Variants in ADCY9 observed in about 807,000 individuals in gnomAD.
ADCY9 encodes adenylate cyclase type 9.
Under a neutral mutation model 101.5 loss-of-function variants are expected in ADCY9, and 50 were observed. That is an observed-to-expected ratio of 0.49 (90% CI 0.39 to 0.62). The LOEUF (loss-of-function observed/expected upper bound fraction) is 0.62, where lower values mean the gene tolerates loss of function less well. Ranked by LOEUF, ADCY9 falls within the 20% of genes least tolerant of loss-of-function variation. ADCY9 has a pLI of 0.00. For synonymous variants in ADCY9, 905 were observed against 769.3 expected, an observed-to-expected ratio of 1.18 and a Z score of -2.92; for missense variants, 1,662 against 1,800.4, an observed-to-expected ratio of 0.92 and a Z score of 1.39.
chr16:3,965,648 G>T lies in ADCY9; in HGVS notation c.*127C>A. 1 of 792,732 alleles carries T rather than the reference G, an allele frequency of 1.3e-6. No homozygotes were observed. The highest frequency in any genetic ancestry group is 2.0e-6 in the Non-Finnish European group (1 of 503,602). The allele number at this position is 792,732 out of a possible 1,614,324, so 49.1% of individuals were successfully genotyped here. ...AACTGTGATCCACACAGAAGTTAGG[G>T]CTGAAATGACCACATAACACCACGT... On this transcript the variant is annotated 3_prime_UTR_variant, in exon 11 of 11. Transcript: ENST00000294016.
intron 2 of ADCY9, among the ~76,000 whole-genome samples, chr16:4,086,944 G>A (rs556160807): frequency 1.3e-5 from 2 of 152,226 alleles, no homozygotes; most frequent in South Asian, 2.1e-4. Flanking sequence ...ACAGGCGTGA[G>A]CCACCACGCC....
rs558583208 is a variant in ADCY9 at position 4,069,959 on chromosome 16, G to A, written c.1693+43791C>T. Among the ~76,000 whole-genome samples, 98 of 152,230 alleles carry A rather than the reference G, an allele frequency of 6.4e-4. No individual in the cohort carries two copies. The East Asian group carries it at 0.016, about 25-fold the overall frequency. ...AAAAGTACAAAAAAATTAGCCAGGC[G>A]TGGTGGCACATGCCTGTAATCCCAG... On this transcript the variant is annotated intron_variant, in intron 2 of 10. Coordinates refer to ENST00000294016, the MANE Select transcript of ADCY9 (RefSeq NM_001116.4).
At chr16:3,985,340 A>T (rs2056182592) in intron 6 of ADCY9, among the ~76,000 whole-genome samples, 2 of 151,988 alleles carry the variant, frequency 1.3e-5, no homozygotes, top group African/African-American at 4.8e-5. Context: ...GGATTTCACC[A>T]AGTTGGCTAG....
intron 10 of ADCY9, among the ~76,000 whole-genome samples, chr16:3,972,182 T>C (rs535550640): frequency 6.6e-5 from 10 of 152,144 alleles, no homozygotes; most frequent in Non-Finnish European, 1.5e-4. Flanking sequence ...ATCCTATTCC[T>C]AAATTCAAAT....
At position 3,983,425 on chromosome 16, in the gene ADCY9, G is replaced by A. The variant is rs1434109826; in HGVS notation, c.2326C>T (p.Pro776Ser). ...GTGGGACTAGCAAACGTCTTCACGG[G>A]GGAGTTCTTTATGACCTGTGTGGAG... ...SYQEEVIKNSPVKTFASPTFS... is the reference protein window; with the variant it reads ...SYQEEVIKNSSVKTFASPTFS... The change falls in exon 7 of 11, where the codon CCC becomes TCC. Residue 776 changes from proline (P) to serine (S), a missense_variant. Pro to Ser is a moderately conservative substitution (Grantham distance 74, BLOSUM62 -1). Around this residue, in one of 5 missense-constraint regions of ADCY9, gnomAD observed 624 missense variants for 639.1 expected, o/e 0.98. Coordinates refer to ENST00000294016, the MANE Select transcript of ADCY9 (RefSeq NM_001116.4). The A allele has an allele frequency of 1.9e-6, 3 of 1,605,342 alleles. No homozygotes were observed. In the Admixed American group the frequency reaches 5.1e-5, roughly 27 times the overall value.
At chr16:4,110,376 CTTTTTTTT>C (rs1170090126) in intron 2 of ADCY9, among the ~76,000 whole-genome samples, 1 of 110,742 alleles carries the variant, frequency 9.0e-6, no homozygotes, top group African/African-American at 3.6e-5. Context: ...CTTATACCTA[CTTTTTTTT>C]TTTTTTTTTT....
chr16:3,965,751 C>T lies in ADCY9; in HGVS notation c.*24G>A, dbSNP rs1180957677. ...TACTGTGTTTCGACAAACAGAGCAC[C>T]TCGGGCAGCGGGTGGGCGCCGCCTC... On this transcript the variant is annotated 3_prime_UTR_variant, in exon 11 of 11. Coordinates refer to ENST00000294016, the MANE Select transcript of ADCY9 (RefSeq NM_001116.4). The T allele has an allele frequency of 1.3e-6, 2 of 1,590,858 alleles. No homozygotes were observed. Among genetic ancestry groups the T allele is most frequent in the Non-Finnish European group, 1.7e-6 (2 of 1,167,092 alleles).
intron 7 of ADCY9, among the ~76,000 whole-genome samples, chr16:3,981,166 A>G (rs928977588): frequency 1.2e-4 from 18 of 152,218 alleles, no homozygotes; most frequent in Non-Finnish European, 2.4e-4. Context: ...AGGCCTGTTC[A>G]GGGGTGCAGC....
intron 2 of ADCY9, among the ~76,000 whole-genome samples, chr16:4,078,056 GA>G (rs2056879054): frequency 6.7e-6 from 1 of 150,214 alleles, no homozygotes; most frequent in Non-Finnish European, 1.5e-5. Context: ...CAGTTACAAA[GA>G]AAAATAACAT....
At chr16:4,094,917 G>T (rs1327775668) in intron 2 of ADCY9, among the ~76,000 whole-genome samples, 1 of 151,758 alleles carries the variant, frequency 6.6e-6, no homozygotes, top group Non-Finnish European at 1.5e-5. Flanking sequence ...GGGAAATTAT[G>T]CTTCTGAATG....
At position 3,965,736 on chromosome 16, in the gene ADCY9, C is replaced by T. The variant is rs751679431; in HGVS notation, c.*39G>A. 4.4e-5 allele frequency: 68 copies of T among 1,562,274 alleles called. No homozygotes were observed. The East Asian group carries it at 1.0e-3, about 24-fold the overall frequency. ...GCCAAATACAAATATTACTGTGTTT[C>T]GACAAACAGAGCACCTCGGGCAGCG... is the stretch of plus-strand genomic sequence containing the variant. On this transcript the variant is annotated 3_prime_UTR_variant, in exon 11 of 11. Coordinates refer to ENST00000294016, the MANE Select transcript of ADCY9 (RefSeq NM_001116.4).
At chr16:4,087,174 T>A (rs2043890109) in intron 2 of ADCY9, among the ~76,000 whole-genome samples, 1 of 151,870 alleles carries the variant, frequency 6.6e-6, no homozygotes, top group Non-Finnish European at 1.5e-5. Context: ...AAGCAGGGAG[T>A]TTCCTCTTTT....
intron 2 of ADCY9, among the ~76,000 whole-genome samples, chr16:4,054,380 T>C (rs1191367938): frequency 6.6e-6 from 1 of 152,088 alleles, no homozygotes; most frequent in African/African-American, 2.4e-5. Context: ...ATTCCCGATT[T>C]TCCCAAACTG....
chr16:4,104,434 T>C (rs1204932436), intron 2 of ADCY9, among the ~76,000 whole-genome samples: 1 of 152,144 alleles, frequency 6.6e-6, no homozygotes, highest in Non-Finnish European at 1.5e-5. Context: ...GCAACTAACA[T>C]TTAAGAAACT....
chr16:3,995,543 A>G (rs946526778), intron 3 of ADCY9, among the ~76,000 whole-genome samples: 1 of 152,222 alleles, frequency 6.6e-6, no homozygotes, highest in African/African-American at 2.4e-5. Flanking sequence ...TAACCTAGGA[A>G]CCATCTAAGA....
At chr16:4,011,982 C>T (rs139348112) in intron 2 of ADCY9, among the ~76,000 whole-genome samples, 17 of 152,358 alleles carry the variant, frequency 1.1e-4, no homozygotes, top group Non-Finnish European at 2.2e-4. Flanking sequence ...ATTATCGACG[C>T]AGTGTTTGAT....
chr16:4,097,479 T>TACACAC (rs1477608601), intron 2 of ADCY9, among the ~76,000 whole-genome samples: 12 of 53,496 alleles, frequency 2.2e-4, no homozygotes, highest in African/African-American at 7.2e-4. Context: ...TATATATATA[T>TACACAC]ATATATATAC....
At chr16:4,041,001 T>A (rs908113195) in intron 2 of ADCY9, among the ~76,000 whole-genome samples, 2 of 151,978 alleles carry the variant, frequency 1.3e-5, no homozygotes, top group South Asian at 2.1e-4. Context: ...AAGTTGAAGG[T>A]AAATACCCCT....
chr16:4,045,365 G>A (rs1386645019), intron 2 of ADCY9, among the ~76,000 whole-genome samples: 1 of 152,030 alleles, frequency 6.6e-6, no homozygotes, highest in African/African-American at 2.4e-5. Flanking sequence ...CAGAGGCCAA[G>A]ACGGGCAGAT....
Sources: allele counts gnomAD v4.1 joint callset (sites outside exome capture counted in the v4.1 genomes callset), GRCh38; gene constraint gnomAD v4.1.1; regional missense constraint gnomAD v4.1.1; transcripts MANE v1.5; gene names NCBI Gene and HGNC (gene_info 2026-07-23, HGNC 2026-07-21).